The following EML4 variants were observed in gnomAD, a reference collection of about 807,000 sequenced individuals.
The protein encoded by EML4 is echinoderm microtubule-associated protein-like 4.
Under a neutral mutation model 129.0 loss-of-function variants are expected in EML4, and 72 were observed. The ratio of observed to expected loss-of-function variants is 0.56; its 90% confidence interval spans 0.46 to 0.68. The LOEUF (loss-of-function observed/expected upper bound fraction) is 0.68. Ranked by LOEUF, EML4 falls within the 30% of genes least tolerant of loss-of-function variation. EML4 has a pLI of 0.00. For synonymous variants in EML4, 532 were observed against 405.0 expected (o/e 1.31, Z -3.77); for missense variants, 1,363 against 1,190.6 (o/e 1.14, Z -2.13).
At chr2:42,184,976 A>AT (rs1671163195) in intron 1 of EML4, among the ~76,000 whole-genome samples, 1 of 152,206 alleles carries the variant, frequency 6.6e-6, no homozygotes, top group Non-Finnish European at 1.5e-5. Flanking sequence ...GGATCAGTGG[A>AT]TTGATAAAAT....
chr2:42,282,804 T>C lies in EML4; in HGVS notation c.792-19T>C. On this transcript the variant is annotated intron_variant, in intron 7 of 22. Transcript: ENST00000318522. ...TGAAAACTGTGTTTATTTAAAACCT[T>C]GACTCTTTTTCTGTTAAGATATGGT... 1.2e-6 allele frequency: 2 copies of C among 1,604,670 alleles called. No homozygotes were observed. The highest frequency in any genetic ancestry group is 1.7e-6 in the Non-Finnish European group (2 of 1,175,532).
Position 42,303,519 on chromosome 2 carries a change from T to C in EML4, c.1899+73T>C, listed in dbSNP as rs531548161. 17 of 1,506,270 alleles carry C rather than the reference T, an allele frequency of 1.1e-5. No homozygotes were observed. In the South Asian group the frequency reaches 1.9e-4, roughly 17 times the overall value. 93.3% of individuals were successfully genotyped at this position (1,506,270 alleles called of 1,614,324 possible). On this transcript the variant is annotated intron_variant, in intron 16 of 22. Transcript: ENST00000318522. ...ACACTGGCAGTTGAGAGCAGCAAAG[T>C]AAAAAGGACTAAGTGTTGATTCAAA...
At position 42,330,468 on chromosome 2, in the gene EML4, A is replaced by C. The variant is rs1472283225; in HGVS notation, c.*261A>C. Reference sequence around the variant, plus strand: ...AATGATGTCTCACAAATTACTGTGTACCTAAGTGGTGTGATGTAAATACTG... The same window carrying C: ...AATGATGTCTCACAAATTACTGTGTCCCTAAGTGGTGTGATGTAAATACTG... On this transcript the variant is annotated 3_prime_UTR_variant, in exon 23 of 23. Coordinates refer to ENST00000318522, the MANE Select transcript of EML4 (RefSeq NM_019063.5). 2 of 553,848 alleles carry C rather than the reference A, an allele frequency of 3.6e-6. No homozygotes were observed. Among genetic ancestry groups the C allele is most frequent in the African/African-American group, 1.9e-5 (1 of 53,334 alleles). The allele number at this position is 553,848 out of a possible 1,614,324, so 34.3% of individuals were successfully genotyped here.
chr2:42,269,321 T>C (rs1175244645), intron 6 of EML4, among the ~76,000 whole-genome samples: 3 of 152,240 alleles, frequency 2.0e-5, no homozygotes, highest in Non-Finnish European at 4.4e-5. Context: ...AATAATCTTG[T>C]CATTCTAACA....
chr2:42,280,593 G>A (rs1405905244), intron 6 of EML4, among the ~76,000 whole-genome samples: 1 of 152,188 alleles, frequency 6.6e-6, no homozygotes, highest in Non-Finnish European at 1.5e-5. Context: ...AAAATATACA[G>A]GTTATATGTG....
intron 2 of EML4, among the ~76,000 whole-genome samples, chr2:42,250,336 A>G (rs936302507): frequency 6.6e-6 from 1 of 152,224 alleles, no homozygotes; most frequent in African/African-American, 2.4e-5. Context: ...GATTTGTATC[A>G]TTCAGCTCCT....
chr2:42,307,350 A>C (rs1274357871), intron 17 of EML4, among the ~76,000 whole-genome samples: 14 of 152,236 alleles, frequency 9.2e-5, no homozygotes, highest in Non-Finnish European at 1.3e-4. Flanking sequence ...AAAACACTTC[A>C]TGAGAGTGAT....
intron 3 of EML4, among the ~76,000 whole-genome samples, chr2:42,260,516 T>A (rs1418832545): frequency 4.7e-5 from 7 of 150,526 alleles, no homozygotes; most frequent in Non-Finnish European, 8.9e-5. Context: ...TAACAGCAAT[T>A]TTTTTGATAA....
intron 1 of EML4, among the ~76,000 whole-genome samples, chr2:42,189,496 C>G (rs1272856108): frequency 1.3e-5 from 2 of 152,216 alleles, no homozygotes; most frequent in African/African-American, 4.8e-5. Flanking sequence ...GAGAGGATTG[C>G]ATGAGACCAG....
At chr2:42,249,038 A>T (rs1675598230) in intron 2 of EML4, among the ~76,000 whole-genome samples, 1 of 152,164 alleles carries the variant, frequency 6.6e-6, no homozygotes, top group Non-Finnish European at 1.5e-5. Flanking sequence ...ATATCGTTGA[A>T]AGCAATTGGA....
intron 19 of EML4, chr2:42,325,099 C>T (rs572838117): frequency 2.3e-6 from 1 of 435,800 alleles, no homozygotes; most frequent in East Asian, 6.2e-5. Flanking sequence ...AACTTATAAC[C>T]AACACTTCAT....
intron 1 of EML4, among the ~76,000 whole-genome samples, chr2:42,210,333 G>A (rs965435354): frequency 2.0e-5 from 3 of 152,034 alleles, no homozygotes; most frequent in Admixed American, 6.6e-5. Flanking sequence ...TCCCTCTTTT[G>A]GAATTTGTCT....
chr2:42,217,041 G>C (rs527873045), intron 1 of EML4, among the ~76,000 whole-genome samples: 1 of 152,250 alleles, frequency 6.6e-6, no homozygotes, highest in South Asian at 2.1e-4. Context: ...AAACATTTTT[G>C]TTAAGTAAAT....
chr2:42,208,100 T>A (rs1672666570), intron 1 of EML4: 2 of 152,166 alleles, frequency 1.3e-5, no homozygotes, highest in South Asian at 4.1e-4. Flanking sequence ...TTACATTTGT[T>A]TACTACCTTT....
chr2:42,228,116 G>A (rs2104169609), intron 1 of EML4, among the ~76,000 whole-genome samples: 1 of 152,164 alleles, frequency 6.6e-6, no homozygotes, highest in South Asian at 2.1e-4. Context: ...AGCTACTCAG[G>A]AGGCTGAGGT....
intron 19 of EML4, chr2:42,319,458 G>A (rs1028376624): frequency 6.6e-6 from 1 of 152,204 alleles, no homozygotes; most frequent in African/African-American, 2.4e-5. Flanking sequence ...AAAGTTTGCA[G>A]TACCGTTTGA....
rs1670997991 is a variant in EML4 at position 42,182,336 on chromosome 2, T to G, written c.25+12700T>G. On this transcript the variant is annotated intron_variant, in intron 1 of 22. Coordinates refer to ENST00000318522, the MANE Select transcript of EML4 (RefSeq NM_019063.5). ...CCCCCTCCACTGGTTTCTGCTTCCT[T>G]GCTTGTTCAGGTTCTGATTGAACCT... Among the ~76,000 whole-genome samples, 7 of 136,742 alleles carry G rather than the reference T, an allele frequency of 5.1e-5. No individual in the cohort carries two copies. In the South Asian group the frequency reaches 1.9e-3, roughly 37 times the overall value. The allele number at this position is 136,742 out of a possible 152,430, so 89.7% of individuals were successfully genotyped here.
chr2:42,205,767 T>A (rs1386760428), intron 1 of EML4, among the ~76,000 whole-genome samples: 2 of 152,238 alleles, frequency 1.3e-5, no homozygotes, highest in African/African-American at 4.8e-5. Flanking sequence ...GAAATCCTAT[T>A]TTCTTTGGGT....
intron 10 of EML4, among the ~76,000 whole-genome samples, chr2:42,287,086 T>G (rs1667347367): frequency 6.6e-6 from 1 of 152,208 alleles, no homozygotes. Context: ...CCCTGTAGAT[T>G]TTATGTGACC....
Sources: allele counts gnomAD v4.1 joint callset (sites outside exome capture counted in the v4.1 genomes callset), GRCh38; gene constraint gnomAD v4.1.1; transcripts MANE v1.5; gene names NCBI Gene and HGNC (gene_info 2026-07-23, HGNC 2026-07-21).